FAM53B: variants seen among roughly 807,000 people sequenced by gnomAD.
FAM53B encodes the protein protein FAM53B.
Under a neutral mutation model 32.7 loss-of-function variants are expected in FAM53B, and 12 were observed. That is an observed-to-expected ratio of 0.37 (90% CI 0.24 to 0.59). The LOEUF (loss-of-function observed/expected upper bound fraction) is 0.59. Among genes scored for constraint, FAM53B ranks in the 20% least tolerant of loss-of-function variants. The pLI is 0.72. For synonymous variants in FAM53B, 234 were observed against 228.7 expected (o/e 1.02, Z -0.21); for missense variants, 477 against 577.7 (o/e 0.83, Z 1.79).
chr10:124,638,600 C>A (rs562227066), intron 4 of FAM53B, among the ~76,000 whole-genome samples: 3 of 152,302 alleles, frequency 2.0e-5, no homozygotes, highest in East Asian at 3.9e-4. Context: ...ACGTTGCCCA[C>A]GAGCAGCCCC....
intron 3 of FAM53B, among the ~76,000 whole-genome samples, chr10:124,683,217 T>C (rs1385614602): frequency 6.6e-6 from 1 of 152,248 alleles, no homozygotes. Flanking sequence ...TTTTGTGAAA[T>C]ATTCAAGAAC....
At chr10:124,670,790 C>T (rs1400193130) in intron 4 of FAM53B, among the ~76,000 whole-genome samples, 1 of 152,234 alleles carries the variant, frequency 6.6e-6, no homozygotes, top group Non-Finnish European at 1.5e-5. Context: ...CTCCTCTCAT[C>T]CTGCCTGGTG....
intron 4 of FAM53B, among the ~76,000 whole-genome samples, chr10:124,675,654 C>T (rs1236960782): frequency 6.6e-6 from 1 of 152,256 alleles, no homozygotes; most frequent in Non-Finnish European, 1.5e-5. Flanking sequence ...CCCCAGTTAT[C>T]TGACTCCGAA....
At chr10:124,668,348 T>G (rs888350115) in intron 4 of FAM53B, among the ~76,000 whole-genome samples, 11 of 152,246 alleles carry the variant, frequency 7.2e-5, no homozygotes, top group African/African-American at 2.4e-4. Context: ...CCGGCTCCCC[T>G]GCCGCAGGGT....
rs574564924 is a variant in FAM53B at position 124,693,459 on chromosome 10, T to A, written c.133+2699A>T. ...CCCTCCAGCCTGGCGACAGTGAGAC[T>A]CTGTCTCAAAAAAAAAAAAAAAAGA... On this transcript the variant is annotated intron_variant, in intron 3 of 4. Transcript: ENST00000337318. Among the ~76,000 whole-genome samples the A allele has an allele frequency of 8.3e-5, 12 of 143,822 alleles. No homozygotes were observed. The East Asian group carries it at 2.5e-3, about 30-fold the overall frequency. 94.4% of individuals were successfully genotyped at this position (143,822 alleles called of 152,430 possible).
At chr10:124,679,509 C>T (rs891486212) in intron 4 of FAM53B, among the ~76,000 whole-genome samples, 11 of 152,360 alleles carry the variant, frequency 7.2e-5, no homozygotes, top group African/African-American at 2.6e-4. Context: ...CATCTGATGG[C>T]AGAGCCAAAG....
intron 4 of FAM53B, among the ~76,000 whole-genome samples, chr10:124,627,754 A>C (rs1029714379): frequency 5.9e-5 from 9 of 152,210 alleles, no homozygotes; most frequent in Admixed American, 5.9e-4. Flanking sequence ...GCCACCAAAG[A>C]GGCCCTGGCC....
chr10:124,710,553 G>A (rs1949994582), intron 1 of FAM53B, among the ~76,000 whole-genome samples: 1 of 152,206 alleles, frequency 6.6e-6, no homozygotes. Context: ...TGCAAACAGG[G>A]TCAGGGTCTT....
intron 1 of FAM53B, among the ~76,000 whole-genome samples, chr10:124,726,547 G>A (rs1027805500): frequency 1.3e-5 from 2 of 152,336 alleles, no homozygotes; most frequent in South Asian, 4.1e-4. Flanking sequence ...GCAATGGATT[G>A]ACAAGCTACA....
At chr10:124,726,416 A>C (rs1950103745) in intron 1 of FAM53B, among the ~76,000 whole-genome samples, 1 of 152,234 alleles carries the variant, frequency 6.6e-6, no homozygotes, top group Non-Finnish European at 1.5e-5. Context: ...GCCTTGGCCT[A>C]GCAGAATCAG....
intron 1 of FAM53B, among the ~76,000 whole-genome samples, chr10:124,711,014 T>C (rs191052596): frequency 1.2e-3 from 176 of 152,322 alleles, no homozygotes; most frequent in African/African-American, 3.5e-3. Flanking sequence ...ACACAAATGT[T>C]TGTAACAGCC....
chr10:124,715,702 C>T (rs554576342), intron 1 of FAM53B, among the ~76,000 whole-genome samples: 76 of 152,376 alleles, frequency 5.0e-4, no homozygotes, highest in South Asian at 8.3e-4. Context: ...CTTGAGTCCA[C>T]GCTCAGCCCA....
chr10:124,729,013 G>A (rs549699719), intron 1 of FAM53B, among the ~76,000 whole-genome samples: 2 of 152,352 alleles, frequency 1.3e-5, no homozygotes, highest in African/African-American at 2.4e-5. Context: ...CCTGCCCAGC[G>A]GGGCTAGTCA....
intron 4 of FAM53B, among the ~76,000 whole-genome samples, chr10:124,674,944 AG>A (rs1022555035): frequency 2.0e-5 from 3 of 152,312 alleles, no homozygotes; most frequent in African/African-American, 7.2e-5. Flanking sequence ...TACTTCAGAG[AG>A]CCGGGGCCTC....
intron 1 of FAM53B, among the ~76,000 whole-genome samples, chr10:124,735,478 C>T (rs546657805): frequency 1.4e-4 from 21 of 152,258 alleles, no homozygotes; most frequent in Admixed American, 3.9e-4. Flanking sequence ...CTTTTCCTCC[C>T]GAAAAAAACC....
At chr10:124,656,604 A>G (rs976647835) in intron 4 of FAM53B, among the ~76,000 whole-genome samples, 1 of 152,214 alleles carries the variant, frequency 6.6e-6, no homozygotes, top group African/African-American at 2.4e-5. Flanking sequence ...CGGCCAGGCC[A>G]GCCCAGCCCC....
At chr10:124,695,239 G>A (rs943496273) in intron 3 of FAM53B, among the ~76,000 whole-genome samples, 5 of 152,164 alleles carry the variant, frequency 3.3e-5, no homozygotes, top group East Asian at 3.8e-4. Flanking sequence ...CCACGCAGAC[G>A]TTACAGAAAC....
At chr10:124,700,440 C>G (rs1396475866) in intron 2 of FAM53B, among the ~76,000 whole-genome samples, 1 of 152,182 alleles carries the variant, frequency 6.6e-6, no homozygotes, top group Non-Finnish European at 1.5e-5. Context: ...TCTGCGAGCA[C>G]CCGAGCCCTA....
intron 1 of FAM53B, among the ~76,000 whole-genome samples, chr10:124,712,192 T>C (rs1950008872): frequency 1.3e-5 from 2 of 151,858 alleles, no homozygotes; most frequent in African/African-American, 4.8e-5. Context: ...CCAACTCTAC[T>C]AAAAAATGCA....
Sources: allele counts gnomAD v4.1 joint callset (sites outside exome capture counted in the v4.1 genomes callset), GRCh38; gene constraint gnomAD v4.1.1; transcripts MANE v1.5; gene names NCBI Gene and HGNC (gene_info 2026-07-23, HGNC 2026-07-21).